The following TMPRSS11F variants were observed in gnomAD, a reference collection of about 807,000 sequenced individuals.
The protein encoded by TMPRSS11F is transmembrane protease serine 11F.
Under a neutral mutation model 60.2 loss-of-function variants are expected in TMPRSS11F, and 47 were observed. The ratio of observed to expected loss-of-function variants is 0.78; its 90% CI spans 0.62 to 1.00. TMPRSS11F has a LOEUF of 1.00. Ranked by LOEUF, TMPRSS11F falls within the 50% of genes least tolerant of loss-of-function variation. The pLI, the probability that TMPRSS11F is intolerant of heterozygous loss-of-function variation, is 0.00. For synonymous variants in TMPRSS11F, 166 were observed against 167.3 expected, an observed-to-expected ratio of 0.99 and a Z score of 0.06; for missense variants, 519 against 522.9, an observed-to-expected ratio of 0.99 and a Z score of 0.07.
At chr4:68,122,676 A>G (rs562320494) in intron 1 of TMPRSS11F, among the ~76,000 whole-genome samples, 2 of 152,226 alleles carry the variant, frequency 1.3e-5, no homozygotes, top group Non-Finnish European at 2.9e-5. Flanking sequence ...TCAGGCATCT[A>G]TCTAGAACAA....
chr4:68,114,254 TAAAG>T (rs919229000), intron 1 of TMPRSS11F, among the ~76,000 whole-genome samples: 37 of 151,286 alleles, frequency 2.4e-4, no homozygotes, highest in Non-Finnish European at 4.9e-4. Context: ...AAGGAAATAA[TAAAG>T]AAACTGATGA....
chr4:68,111,364 A>C (rs1454484329), intron 1 of TMPRSS11F, among the ~76,000 whole-genome samples: 1 of 152,188 alleles, frequency 6.6e-6, no homozygotes, highest in African/African-American at 2.4e-5. Context: ...AAAATAAAAC[A>C]AAACAAAAAA....
chr4:68,077,978 T>C (rs970099714), intron 3 of TMPRSS11F, among the ~76,000 whole-genome samples: 3 of 151,920 alleles, frequency 2.0e-5, no homozygotes, highest in Non-Finnish European at 2.9e-5. Flanking sequence ...GATGAGCACG[T>C]TGGGAGATGG....
At chr4:68,058,976 C>T (rs1300949891) in intron 9 of TMPRSS11F, among the ~76,000 whole-genome samples, 1 of 152,006 alleles carries the variant, frequency 6.6e-6, no homozygotes, top group Non-Finnish European at 1.5e-5. Context: ...GTCAGTGTTG[C>T]TAATGCAGGG....
intron 1 of TMPRSS11F, among the ~76,000 whole-genome samples, chr4:68,113,740 T>A (rs1469397610): frequency 1.3e-5 from 2 of 152,108 alleles, no homozygotes; most frequent in Non-Finnish European, 2.9e-5. Flanking sequence ...CAAAAATTGA[T>A]AAGCAAATAG....
rs1050472470 is a variant in TMPRSS11F at position 68,093,133 on chromosome 4, T to C, written c.164-2492A>G. ...TAAAAGATCAATTAGGAAGCCATTG[T>C]AGAAATCGAATTTAATAATGGCAAA... On this transcript the variant is annotated intron_variant, in intron 2 of 9. Transcript: ENST00000356291. Among the ~76,000 whole-genome samples the C allele has an allele frequency of 3.9e-5, 6 of 152,220 alleles. No homozygotes were observed. The South Asian group carries it at 1.0e-3, about 26-fold the overall frequency.
At chr4:68,074,043 A>C (rs1055075607) in intron 3 of TMPRSS11F, 34 bp from the exon 4 acceptor site, 1 of 1,260,248 alleles carries the variant, frequency 7.9e-7, no homozygotes, top group Non-Finnish European at 1.1e-6. Context: ...AGTCTTCAGA[A>C]CTTAAAAGTA....
At chr4:68,089,002 A>T (rs1164049222) in intron 3 of TMPRSS11F, among the ~76,000 whole-genome samples, 1 of 152,014 alleles carries the variant, frequency 6.6e-6, no homozygotes, top group African/African-American at 2.4e-5. Context: ...ATTTAACACT[A>T]TTTCTATCAA....
At chr4:68,082,283 G>C (rs1723711805) in intron 3 of TMPRSS11F, among the ~76,000 whole-genome samples, 1 of 152,112 alleles carries the variant, frequency 6.6e-6, no homozygotes, top group African/African-American at 2.4e-5. Flanking sequence ...TACTTGAATT[G>C]GCAGGGGGAT....
chr4:68,094,613 G>C (rs979326028), intron 2 of TMPRSS11F, among the ~76,000 whole-genome samples: 2 of 151,434 alleles, frequency 1.3e-5, no homozygotes, highest in Non-Finnish European at 2.9e-5. Context: ...AGGTATGCTT[G>C]GCTCTTGGGA....
At chr4:68,073,867 C>A in intron 4 of TMPRSS11F, 75 bp downstream of exon 4, 4 of 886,264 alleles carry the variant, frequency 4.5e-6, no homozygotes, top group East Asian at 2.8e-5. Context: ...TTGCTCAGGG[C>A]AGCTAAGCAA....
intron 3 of TMPRSS11F, among the ~76,000 whole-genome samples, chr4:68,075,227 A>T (rs1284487146): frequency 6.6e-6 from 1 of 152,098 alleles, no homozygotes; most frequent in Non-Finnish European, 1.5e-5. Context: ...TCCTTGATTC[A>T]ATCTCATTGC....
intron 2 of TMPRSS11F, among the ~76,000 whole-genome samples, chr4:68,098,304 CA>C (rs1418322200): frequency 6.7e-6 from 1 of 149,630 alleles, no homozygotes; most frequent in African/African-American, 2.5e-5. Flanking sequence ...GAATCTGTCT[CA>C]AAAAAAAAGA....
intron 2 of TMPRSS11F, among the ~76,000 whole-genome samples, chr4:68,093,320 G>C (rs1400336276): frequency 6.6e-6 from 1 of 152,126 alleles, no homozygotes; most frequent in Non-Finnish European, 1.5e-5. Flanking sequence ...TCACCTAAAT[G>C]GTGCTGGGAA....
intron 3 of TMPRSS11F, chr4:68,080,868 G>A (rs532444280): frequency 6.6e-6 from 1 of 152,242 alleles, no homozygotes; most frequent in Non-Finnish European, 1.5e-5. Context: ...CTATTTCAAT[G>A]TCTATTCTTT....
rs1490574470 is a variant in TMPRSS11F at position 68,064,703 on chromosome 4, C to T, written c.997G>A (p.Gly333Arg). ...TGCTCACCATCATCTACAATGGATC[C>T]AAATCCTGTGACGAACACACTTGTT... The part of the protein sequence containing the change: ...PKTSVFVTGF[G>R]SIVDDGPIQN... The change falls in exon 8 of 10, where the codon GGA becomes AGA. Residue 333 changes from glycine (G) to arginine (R), a missense_variant. Physicochemically the swap from Gly to Arg is moderately radical, Grantham distance 125. Coordinates refer to ENST00000356291, the MANE Select transcript of TMPRSS11F (RefSeq NM_207407.2). The T allele has an allele frequency of 6.2e-7, 1 of 1,614,024 alleles. No homozygotes were observed.
At chr4:68,063,222 G>A (rs1723240214) in intron 8 of TMPRSS11F, 1 of 582,004 alleles carries the variant, frequency 1.7e-6, no homozygotes, top group Non-Finnish European at 3.4e-6. Flanking sequence ...TCTAAAACAG[G>A]TAAGTTCATG....
chr4:68,053,996 T>A lies in TMPRSS11F; in HGVS notation c.1230A>T (p.Gly410=). The change falls in exon 10 of 10, where the codon GGA becomes GGT. Residue 410 remains glycine, a synonymous_variant. Transcript: ENST00000356291. ...IWYIVGIVSW[G]QSCALPKKPG... The stretch of plus-strand genomic sequence containing the variant: ...GTTTTTTGGGAAGTGCACATGATTG[T>A]CCCCAACTTACTATACCTACAATGT... 6.2e-7 allele frequency: 1 copy of A among 1,613,574 alleles called. No individual in the cohort carries two copies. Among genetic ancestry groups the A allele is most frequent in the Non-Finnish European group, 8.5e-7 (1 of 1,179,598 alleles).
chr4:68,109,481 C>T (rs1415105915), intron 1 of TMPRSS11F, among the ~76,000 whole-genome samples: 2 of 152,092 alleles, frequency 1.3e-5, no homozygotes, highest in African/African-American at 4.8e-5. Flanking sequence ...GATGAAAGTA[C>T]AGATCCCTAA....
Sources: allele counts gnomAD v4.1 joint callset (sites outside exome capture counted in the v4.1 genomes callset), GRCh38; gene constraint gnomAD v4.1.1; transcripts MANE v1.5; gene names NCBI Gene and HGNC (gene_info 2026-07-23, HGNC 2026-07-21).